The following PARD3 variants were observed in gnomAD, a reference collection of about 807,000 sequenced individuals.
PARD3 encodes par-3 family cell polarity regulator, also known as partitioning defective 3 homolog.
PARD3 carries 75 observed loss-of-function variants against 155.4 expected under a neutral mutation model. The observed-to-expected ratio is 0.48, with a 90% confidence interval of 0.40 to 0.58. The LOEUF is 0.58. Ranked by LOEUF, PARD3 falls within the 20% of genes least tolerant of loss-of-function variation. The probability of loss-of-function intolerance (pLI) is 0.00; values close to 1 mark genes in which losing one functional copy is unlikely to be tolerated. For missense variants in PARD3, 1,642 were observed against 1,721.7 expected, an observed-to-expected ratio of 0.95 and a Z score of 0.82; for synonymous variants, 576 against 610.5, an observed-to-expected ratio of 0.94 and a Z score of 0.83.
At chr10:34,737,776 T>C (rs1349081018) in intron 1 of PARD3, among the ~76,000 whole-genome samples, 2 of 152,230 alleles carry the variant, frequency 1.3e-5, no homozygotes, top group Admixed American at 6.5e-5. Flanking sequence ...TGTTGTTTTA[T>C]AAATCACCCA....
At chr10:34,270,605 T>C (rs1015046318) in intron 21 of PARD3, among the ~76,000 whole-genome samples, 4 of 152,212 alleles carry the variant, frequency 2.6e-5, no homozygotes, top group Admixed American at 2.6e-4. Flanking sequence ...AAAATATTTA[T>C]ATGTAATATA....
chr10:34,536,420 A>G (rs986867114), intron 2 of PARD3, among the ~76,000 whole-genome samples: 8 of 152,244 alleles, frequency 5.3e-5, no homozygotes, highest in Non-Finnish European at 1.0e-4. Context: ...ACTGCTTTAC[A>G]ATACCAACAT....
intron 1 of PARD3, among the ~76,000 whole-genome samples, chr10:34,743,653 T>C (rs972299515): frequency 5.3e-5 from 8 of 152,226 alleles, no homozygotes; most frequent in African/African-American, 1.7e-4. Flanking sequence ...ACATCCTAAC[T>C]AGCCTTGATA....
At chr10:34,373,803 G>C (rs1271567762) in intron 11 of PARD3, among the ~76,000 whole-genome samples, 3 of 151,770 alleles carry the variant, frequency 2.0e-5, no homozygotes, top group Non-Finnish European at 4.4e-5. Flanking sequence ...GTAACCAGGG[G>C]ATAAGATATT....
At chr10:34,807,678 T>TTG (rs34980975) in intron 1 of PARD3, among the ~76,000 whole-genome samples, 54 of 129,108 alleles carry the variant, frequency 4.2e-4, no homozygotes, top group Admixed American at 9.1e-4. Flanking sequence ...TCTTGTGTGC[T>TTG]TGTGTGTGTG....
chr10:34,276,272 TATG>T (rs1955875300), intron 21 of PARD3, among the ~76,000 whole-genome samples: 1 of 152,056 alleles, frequency 6.6e-6, no homozygotes, highest in Non-Finnish European at 1.5e-5. Flanking sequence ...AGTGTTCCAT[TATG>T]ATAATGAAAT....
chr10:34,704,178 A>C (rs555076478), intron 1 of PARD3, among the ~76,000 whole-genome samples: 1 of 152,288 alleles, frequency 6.6e-6, no homozygotes, highest in East Asian at 1.9e-4. Context: ...ATGCAACTAA[A>C]CACAGCAAGA....
intron 11 of PARD3, 26 bp downstream of exon 11, chr10:34,374,848 C>T: frequency 6.2e-7 from 1 of 1,609,318 alleles, no homozygotes; most frequent in South Asian, 1.1e-5. Context: ...TATCAGAAAT[C>T]TTTCATCTAC....
At chr10:34,447,412 T>C (rs1188074432) in intron 5 of PARD3, among the ~76,000 whole-genome samples, 2 of 133,204 alleles carry the variant, frequency 1.5e-5, no homozygotes, top group African/African-American at 5.8e-5. Context: ...ACCCAGGAGG[T>C]AGAAGCTGCA....
At chr10:34,416,832 G>C (rs1442440468) in intron 5 of PARD3, among the ~76,000 whole-genome samples, 1 of 152,210 alleles carries the variant, frequency 6.6e-6, no homozygotes, top group Non-Finnish European at 1.5e-5. Flanking sequence ...GTAATGGCCA[G>C]ATTGAAATGT....
chr10:34,763,930 A>T (rs1837772599), intron 1 of PARD3, among the ~76,000 whole-genome samples: 1 of 152,232 alleles, frequency 6.6e-6, no homozygotes, highest in African/African-American at 2.4e-5. Flanking sequence ...CCATATACTA[A>T]TAAGATCCAA....
At chr10:34,527,264 G>A (rs2082549453) in intron 2 of PARD3, among the ~76,000 whole-genome samples, 1 of 152,158 alleles carries the variant, frequency 6.6e-6, no homozygotes, top group Non-Finnish European at 1.5e-5. Context: ...AAGACAAGAT[G>A]GTATTTCCAA....
chr10:34,299,693 G>A (rs1308490938), intron 20 of PARD3, among the ~76,000 whole-genome samples: 1 of 152,166 alleles, frequency 6.6e-6, no homozygotes, highest in Non-Finnish European at 1.5e-5. Flanking sequence ...AAACTAATTT[G>A]AATGTGGGAC....
intron 19 of PARD3, among the ~76,000 whole-genome samples, chr10:34,322,893 A>G (rs569693095): frequency 2.0e-5 from 3 of 152,362 alleles, no homozygotes; most frequent in South Asian, 2.1e-4. Flanking sequence ...TTTACAATTT[A>G]TATTGAAAGA....
chr10:34,634,068 A>T (rs772837600), intron 2 of PARD3, among the ~76,000 whole-genome samples: 51 of 152,208 alleles, frequency 3.4e-4, no homozygotes, highest in Non-Finnish European at 5.6e-4. Context: ...AGACCCAGGA[A>T]GCTACACAAT....
chr10:34,769,583 C>T (rs1386577572), intron 1 of PARD3, among the ~76,000 whole-genome samples: 1 of 151,800 alleles, frequency 6.6e-6, no homozygotes, highest in African/African-American at 2.4e-5. Context: ...CGGCAAAAAC[C>T]TGTCTCCATA....
At chr10:34,151,375 T>C (rs888758116) in intron 22 of PARD3, among the ~76,000 whole-genome samples, 2 of 152,178 alleles carry the variant, frequency 1.3e-5, no homozygotes, top group African/African-American at 4.8e-5. Context: ...CTTTAGTCGA[T>C]GTTTGGAAAA....
chr10:34,382,532 G>C lies in PARD3; in HGVS notation c.1399+8C>G. On this transcript the variant is annotated splice_region_variant and intron_variant, in intron 9 of 24. Transcript: ENST00000374788. ...AATTCCACAAAACAAAAACAGGATAGGTCGTACCTTTCTTAAGCTGGATAT... is the reference window on the plus strand; with the variant it reads ...AATTCCACAAAACAAAAACAGGATACGTCGTACCTTTCTTAAGCTGGATAT... The C allele has an allele frequency of 6.2e-7, 1 of 1,609,526 alleles. No individual in the cohort carries two copies. The highest frequency in any genetic ancestry group is 1.1e-5 in the South Asian group (1 of 90,220).
intron 22 of PARD3, among the ~76,000 whole-genome samples, chr10:34,236,457 TAAC>T (rs1190319173): frequency 2.0e-5 from 3 of 152,186 alleles, no homozygotes; most frequent in African/African-American, 7.2e-5. Flanking sequence ...GGACTAAAGA[TAAC>T]AACATTTTCC....
Sources: gnomAD v4.1 joint callset for allele counts (sites outside exome capture counted in the v4.1 genomes callset) on GRCh38, gnomAD v4.1.1 for gene constraint, MANE v1.5 for transcripts, NCBI Gene and HGNC (gene_info 2026-07-23, HGNC 2026-07-21) for gene names.